Variants in IQCM observed in about 807,000 individuals in gnomAD.
IQCM encodes IQ domain-containing protein M.
IQCM carries 45 observed loss-of-function variants against 57.6 expected under a neutral mutation model. The observed-to-expected ratio is 0.78, with a 90% CI of 0.62 to 1.00. IQCM has a LOEUF of 1.00. IQCM is among the 50% of genes least tolerant of loss of function. The probability of loss-of-function intolerance (pLI) is 0.00; values close to 1 mark genes in which losing one functional copy is unlikely to be tolerated. For synonymous variants in IQCM, 148 were observed against 158.9 expected (o/e 0.93, Z 0.51); for missense variants, 468 against 511.6 (o/e 0.91, Z 0.82).
Position 149,734,823 on chromosome 4 carries a change from A to G in IQCM, c.120+553T>C, listed in dbSNP as rs73857722. Among the ~76,000 whole-genome samples the G allele has an allele frequency of 9.0e-3, 1,364 of 151,978 alleles. 10 individuals carry two copies. Among genetic ancestry groups the G allele is most frequent in the African/African-American group, 0.03 (1,264 of 41,446 alleles). Reference sequence around the variant, plus strand: ...CCTTTCCCTTTCACTCCTTCTTCTCACTTTCGAAATATATGCCATTCAGCA... The same window carrying G: ...CCTTTCCCTTTCACTCCTTCTTCTCGCTTTCGAAATATATGCCATTCAGCA... On this transcript the variant is annotated intron_variant, in intron 4 of 13. Coordinates refer to ENST00000636793, the MANE Select transcript of IQCM (RefSeq NM_001363507.2).
intron 13 of IQCM, among the ~76,000 whole-genome samples, chr4:149,396,542 C>G (rs545248190): frequency 2.0e-5 from 3 of 151,894 alleles, no homozygotes; most frequent in Admixed American, 2.0e-4. Flanking sequence ...TAGAGTAGGT[C>G]ATTATTGTTC....
At chr4:149,392,595 A>G (rs895766424) in intron 13 of IQCM, among the ~76,000 whole-genome samples, 51 of 151,972 alleles carry the variant, frequency 3.4e-4, no homozygotes, top group African/African-American at 1.2e-3. Context: ...TTTAATATTA[A>G]AATTTATACT....
chr4:149,798,870 A>T (rs1488324029), intron 2 of IQCM, among the ~76,000 whole-genome samples: 2 of 151,988 alleles, frequency 1.3e-5, no homozygotes, highest in Admixed American at 6.6e-5. Context: ...GATGGGTCCC[A>T]ATACAATAAG....
intron 7 of IQCM, among the ~76,000 whole-genome samples, chr4:149,669,450 AC>A (rs1761050477): frequency 6.6e-6 from 1 of 151,978 alleles, no homozygotes; most frequent in Non-Finnish European, 1.5e-5. Context: ...GATGGTAGTT[AC>A]TTTTGCTATG....
At chr4:149,650,104 C>A (rs945134951) in intron 7 of IQCM, among the ~76,000 whole-genome samples, 1 of 152,098 alleles carries the variant, frequency 6.6e-6, no homozygotes, top group African/African-American at 2.4e-5. Context: ...GACGTTCTAA[C>A]TTTGATACCT....
chr4:149,399,794 T>G (rs1732485309), intron 13 of IQCM, among the ~76,000 whole-genome samples: 3 of 152,068 alleles, frequency 2.0e-5, no homozygotes, highest in African/African-American at 7.2e-5. Flanking sequence ...TTTTACCTCA[T>G]GGGGTTACTT....
At chr4:149,434,398 G>A (rs1735150744) in intron 12 of IQCM, among the ~76,000 whole-genome samples, 1 of 152,044 alleles carries the variant, frequency 6.6e-6, no homozygotes. Context: ...TCTAGTTTTT[G>A]GTTGATAAGC....
intron 12 of IQCM, among the ~76,000 whole-genome samples, chr4:149,486,757 A>C (rs1741565456): frequency 6.6e-6 from 1 of 152,066 alleles, no homozygotes; most frequent in African/African-American, 2.4e-5. Context: ...AAAAACAAAC[A>C]AACAAAAAAG....
chr4:149,437,158 G>T (rs1735442838), intron 12 of IQCM, among the ~76,000 whole-genome samples: 1 of 152,072 alleles, frequency 6.6e-6, no homozygotes, highest in African/African-American at 2.4e-5. Flanking sequence ...TTAACCAATG[G>T]TTCCTGGTAT....
chr4:149,490,891 T>C lies in IQCM; in HGVS notation c.1229-57334A>G, dbSNP rs554009476. The stretch of plus-strand genomic sequence containing the variant: ...CTCCACACAAGTGGACTGCTAACCA[T>C]AGCACACACCCTGACAGTAGCCTAT... On this transcript the variant is annotated intron_variant, in intron 12 of 13. Coordinates refer to ENST00000636793, the MANE Select transcript of IQCM (RefSeq NM_001363507.2). 5.3e-5 allele frequency among the ~76,000 whole-genome samples: 8 copies of C among 152,224 alleles called. No individual in the cohort carries two copies. In the South Asian group the frequency reaches 1.4e-3, roughly 28 times the overall value.
chr4:149,755,209 A>T (rs76410036), intron 2 of IQCM, among the ~76,000 whole-genome samples: 17,229 of 152,188 alleles, frequency 0.11, 1,202 homozygotes, highest in South Asian at 0.18. Context: ...GCCCCTATCC[A>T]TGACCTACTC....
intron 7 of IQCM, among the ~76,000 whole-genome samples, chr4:149,625,720 G>A (rs76345550): frequency 6.6e-6 from 1 of 152,202 alleles, no homozygotes; most frequent in Middle Eastern, 3.4e-3. Flanking sequence ...CTTTGGAGGA[G>A]AGGAATTCTA....
chr4:149,741,608 C>T (rs1012459822), intron 3 of IQCM, among the ~76,000 whole-genome samples: 1 of 152,140 alleles, frequency 6.6e-6, no homozygotes, highest in African/African-American at 2.4e-5. Context: ...CAGATGCTTG[C>T]TGGCCTGTAT....
chr4:149,677,226 G>A (rs1357162481), intron 7 of IQCM, among the ~76,000 whole-genome samples: 1 of 152,054 alleles, frequency 6.6e-6, no homozygotes, highest in Non-Finnish European at 1.5e-5. Flanking sequence ...ATATCCCTGA[G>A]GACAGGTAGA....
At chr4:149,621,470 T>C (rs531373340) in intron 7 of IQCM, among the ~76,000 whole-genome samples, 2 of 152,286 alleles carry the variant, frequency 1.3e-5, no homozygotes, top group African/African-American at 4.8e-5. Flanking sequence ...GGTTCTCGTG[T>C]TTTTATTGCA....
intron 12 of IQCM, among the ~76,000 whole-genome samples, chr4:149,448,792 G>C (rs999682173): frequency 6.6e-6 from 1 of 151,680 alleles, no homozygotes; most frequent in African/African-American, 2.4e-5. Context: ...AGGAGAAATG[G>C]GAAAGCTGTA....
intron 13 of IQCM, among the ~76,000 whole-genome samples, chr4:149,428,522 T>C (rs1446791521): frequency 6.6e-6 from 1 of 151,832 alleles, no homozygotes; most frequent in Non-Finnish European, 1.5e-5. Context: ...AATCTACGCA[T>C]AGCCTTTATT....
At chr4:149,488,816 A>G (rs1279315478) in intron 12 of IQCM, among the ~76,000 whole-genome samples, 1 of 152,154 alleles carries the variant, frequency 6.6e-6, no homozygotes, top group East Asian at 1.9e-4. Context: ...AGAAAAGGTA[A>G]TATTAGACAC....
chr4:149,769,041 C>T (rs1006620281), intron 2 of IQCM, among the ~76,000 whole-genome samples: 1 of 151,986 alleles, frequency 6.6e-6, no homozygotes, highest in Admixed American at 6.6e-5. Flanking sequence ...AATAATCTTT[C>T]ATTATATAGG....
Sources: gnomAD v4.1 joint callset for allele counts (sites outside exome capture counted in the v4.1 genomes callset) on GRCh38, gnomAD v4.1.1 for gene constraint, MANE v1.5 for transcripts, NCBI Gene and HGNC (gene_info 2026-07-23, HGNC 2026-07-21) for gene names.